The following ZNF704 variants were observed in gnomAD, a reference collection of about 807,000 sequenced individuals.
ZNF704 encodes glucocorticoid induced gene 1.
A neutral mutation model predicts 44.7 loss-of-function variants in ZNF704; 10 were observed. The ratio of observed to expected loss-of-function variants is 0.22; its 90% CI spans 0.14 to 0.38. The LOEUF (loss-of-function observed/expected upper bound fraction) is 0.38. ZNF704 is among the 10% of genes least tolerant of loss of function. The pLI is 1.00. For missense variants in ZNF704, 390 were observed against 545.5 expected (o/e 0.71, Z 2.84); for synonymous variants, 211 against 207.6 (o/e 1.02, Z -0.14).
chr8:80,704,152 A>T (rs780621983), intron 2 of ZNF704, among the ~76,000 whole-genome samples: 1 of 152,360 alleles, frequency 6.6e-6, no homozygotes, highest in Admixed American at 6.5e-5. Context: ...ATTATTAAAT[A>T]ATAAGTTTCA....
chr8:80,724,220 T>C (rs1806430729), intron 2 of ZNF704, among the ~76,000 whole-genome samples: 1 of 152,194 alleles, frequency 6.6e-6, no homozygotes, highest in South Asian at 2.1e-4. Context: ...TCTGATGAAA[T>C]ATGTAGGAGG....
chr8:80,798,102 T>TA (rs1807837857), intron 2 of ZNF704, among the ~76,000 whole-genome samples: 1 of 152,116 alleles, frequency 6.6e-6, no homozygotes, highest in Non-Finnish European at 1.5e-5. Flanking sequence ...GGATATACAG[T>TA]AGGTGTATTA....
chr8:80,831,388 G>T (rs934983223), intron 1 of ZNF704, among the ~76,000 whole-genome samples: 3 of 152,116 alleles, frequency 2.0e-5, no homozygotes, highest in African/African-American at 7.2e-5. Flanking sequence ...TTTGTACAAT[G>T]CCCTGGTGAC....
At chr8:80,664,757 T>G in intron 6 of ZNF704, 58 bp downstream of exon 6, 2 of 1,602,098 alleles carry the variant, frequency 1.2e-6, no homozygotes, top group Non-Finnish European at 1.7e-6. Flanking sequence ...ATAGGCCAGA[T>G]GGCCCCTGGT....
chr8:80,661,756 G>C (rs1430353781), intron 6 of ZNF704, among the ~76,000 whole-genome samples: 1 of 152,176 alleles, frequency 6.6e-6, no homozygotes, highest in Non-Finnish European at 1.5e-5. Context: ...CATGGAGGTA[G>C]AGAATAAAAT....
intron 2 of ZNF704, among the ~76,000 whole-genome samples, chr8:80,700,347 A>G (rs778463711): frequency 1.1e-4 from 16 of 152,208 alleles, no homozygotes; most frequent in Admixed American, 9.8e-4. Flanking sequence ...TAATCCCCAA[A>G]ACCTCCATTT....
intron 2 of ZNF704, among the ~76,000 whole-genome samples, chr8:80,801,167 A>T (rs1190243371): frequency 6.6e-6 from 1 of 152,222 alleles, no homozygotes; most frequent in Non-Finnish European, 1.5e-5. Flanking sequence ...AGATTCATAA[A>T]GCAAGTTCTT....
intron 1 of ZNF704, among the ~76,000 whole-genome samples, chr8:80,824,253 C>T (rs1356636004): frequency 6.6e-6 from 1 of 152,138 alleles, no homozygotes; most frequent in South Asian, 2.1e-4. Flanking sequence ...GAGCTGAAAA[C>T]CATGGCACGA....
At chr8:80,852,819 T>C (rs926786888) in intron 1 of ZNF704, among the ~76,000 whole-genome samples, 2 of 152,174 alleles carry the variant, frequency 1.3e-5, no homozygotes, top group Non-Finnish European at 2.9e-5. Flanking sequence ...TCAGAACTCC[T>C]AGAAAGAAAT....
At chr8:80,836,797 A>T (rs1808590568) in intron 1 of ZNF704, among the ~76,000 whole-genome samples, 1 of 151,442 alleles carries the variant, frequency 6.6e-6, no homozygotes, top group Non-Finnish European at 1.5e-5. Flanking sequence ...TCAAAAAAAC[A>T]AAACTAAACT....
At chr8:80,830,432 G>A (rs2129923659) in intron 1 of ZNF704, among the ~76,000 whole-genome samples, 1 of 152,320 alleles carries the variant, frequency 6.6e-6, no homozygotes, top group Non-Finnish European at 1.5e-5. Context: ...CAAATCTACA[G>A]AGATAGAAAG....
chr8:80,738,904 G>A (rs1215911557), intron 2 of ZNF704, among the ~76,000 whole-genome samples: 1 of 152,122 alleles, frequency 6.6e-6, no homozygotes, highest in Admixed American at 6.5e-5. Context: ...ATCCCTTTAT[G>A]CTCAGACCCA....
chr8:80,869,866 A>G (rs1036951863), intron 1 of ZNF704, among the ~76,000 whole-genome samples: 2 of 152,186 alleles, frequency 1.3e-5, no homozygotes, highest in African/African-American at 2.4e-5. Flanking sequence ...TAAGAGGCCA[A>G]GCTAAGGAGT....
chr8:80,683,120 T>C (rs771055813), intron 4 of ZNF704, among the ~76,000 whole-genome samples: 2 of 152,180 alleles, frequency 1.3e-5, no homozygotes, highest in African/African-American at 2.4e-5. Flanking sequence ...CTGCATCACC[T>C]TGTGGTCATG....
At chr8:80,652,345 CA>C (rs1817936743) in intron 7 of ZNF704, among the ~76,000 whole-genome samples, 1 of 135,104 alleles carries the variant, frequency 7.4e-6, no homozygotes, top group East Asian at 1.9e-4. Flanking sequence ...AATAGAGACA[CA>C]AAAAACCCTT....
chr8:80,641,351 C>T lies in ZNF704; in HGVS notation c.*15G>A, dbSNP rs1329006770. The T allele has an allele frequency of 2.0e-5, 32 of 1,593,760 alleles. No homozygotes were observed. Among genetic ancestry groups the T allele is most frequent in the Non-Finnish European group, 2.3e-5 (27 of 1,167,974 alleles). The stretch of plus-strand genomic sequence containing the variant: ...GAGCGGCTCAGGGCCCTGAGCCCCT[C>T]TGCCTGGGGGTCTCTCAGTCGAGGA... On this transcript the variant is annotated 3_prime_UTR_variant, in exon 9 of 9. Coordinates refer to ENST00000327835, the MANE Select transcript of ZNF704 (RefSeq NM_001033723.3).
chr8:80,839,641 G>A (rs16908077), intron 1 of ZNF704, among the ~76,000 whole-genome samples: 32,286 of 152,100 alleles, frequency 0.21, 4,782 homozygotes, highest in African/African-American at 0.42. Context: ...TGACTATAAG[G>A]GAGAAACGCT....
At chr8:80,661,733 CAAT>C (rs1818105403) in intron 6 of ZNF704, among the ~76,000 whole-genome samples, 1 of 151,936 alleles carries the variant, frequency 6.6e-6, no homozygotes, top group African/African-American at 2.4e-5. Flanking sequence ...GTGGGAAATA[CAAT>C]AATTGATGTC....
At chr8:80,669,967 C>A (rs558816278) in intron 5 of ZNF704, among the ~76,000 whole-genome samples, 1 of 152,204 alleles carries the variant, frequency 6.6e-6, no homozygotes, top group East Asian at 1.9e-4. Flanking sequence ...TTCGTAAGAA[C>A]AGCAACAGCA....
Sources: gnomAD v4.1 joint callset for allele counts (sites outside exome capture counted in the v4.1 genomes callset) on GRCh38, gnomAD v4.1.1 for gene constraint, MANE v1.5 for transcripts, NCBI Gene and HGNC (gene_info 2026-07-23, HGNC 2026-07-21) for gene names.